The following RMDN2 variants were observed in gnomAD, a reference collection of about 807,000 sequenced individuals.
The protein encoded by RMDN2 is regulator of microtubule dynamics protein 2.
RMDN2 carries 61 observed loss-of-function variants against 52.8 expected under a neutral mutation model. The ratio of observed to expected loss-of-function variants is 1.16; its 90% CI spans 0.94 to 1.43. The LOEUF is 1.43. Among genes scored for constraint, RMDN2 ranks in the 40% most tolerant of loss-of-function variants. The pLI is 0.00. For synonymous variants in RMDN2, 180 were observed against 153.1 expected, an observed-to-expected ratio of 1.18 and a Z score of -1.30; for missense variants, 592 against 475.3, an observed-to-expected ratio of 1.25 and a Z score of -2.28.
intron 10 of RMDN2, among the ~76,000 whole-genome samples, chr2:38,049,672 A>G (rs1681473275): frequency 6.6e-6 from 1 of 152,176 alleles, no homozygotes; most frequent in East Asian, 1.9e-4. Flanking sequence ...TCATGGGCTC[A>G]AGCAATCCTC....
At chr2:37,966,121 G>T (rs1671009139) in intron 2 of RMDN2, among the ~76,000 whole-genome samples, 1 of 152,052 alleles carries the variant, frequency 6.6e-6, no homozygotes, top group Non-Finnish European at 1.5e-5. Context: ...CTTGGAGTTT[G>T]TTAAGTTATT....
At chr2:37,929,757 T>C in intron 2 of RMDN2, 28 bp downstream of exon 2, 2 of 1,386,302 alleles carry the variant, frequency 1.4e-6, no homozygotes, top group Middle Eastern at 1.8e-4. Context: ...ATTTCCTATG[T>C]TGAATTGGTT....
chr2:37,980,735 T>C (rs1673200113), intron 4 of RMDN2, among the ~76,000 whole-genome samples: 2 of 152,144 alleles, frequency 1.3e-5, no homozygotes, highest in Admixed American at 1.3e-4. Context: ...AGCCTTCCCT[T>C]ACTCCTTCAG....
intron 8 of RMDN2, among the ~76,000 whole-genome samples, chr2:37,999,949 C>T (rs2125172907): frequency 6.6e-6 from 1 of 152,260 alleles, no homozygotes; most frequent in Non-Finnish European, 1.5e-5. Context: ...GTGAAATGGC[C>T]ATAATAATAC....
Position 38,046,176 on chromosome 2 carries a change from C to T in RMDN2, c.1714-20806C>T, listed in dbSNP as rs376912668. Among the ~76,000 whole-genome samples, 61 of 152,294 alleles carry T rather than the reference C, an allele frequency of 4.0e-4. No homozygotes were observed. The South Asian group carries it at 0.011, about 29-fold the overall frequency. On this transcript the variant is annotated intron_variant, in intron 10 of 10. Transcript: ENST00000234195. ...CACAGAGAAGACACATAAGAACTTT[C>T]AAGACAGTAAAAGTCTGGGGCAGAC...
chr2:37,981,405 G>T, intron 5 of RMDN2, 62 bp downstream of exon 5: 1 of 1,130,058 alleles, frequency 8.8e-7, no homozygotes, highest in South Asian at 1.3e-5. Context: ...AAATTAAATG[G>T]ATTTTTCAAA....
chr2:37,951,428 T>A (rs781418185), intron 2 of RMDN2: 259 of 1,612,782 alleles, frequency 1.6e-4, no homozygotes, highest in Non-Finnish European at 2.2e-4. Flanking sequence ...CAAGTCCATC[T>A]TTCTCTGAAA....
chr2:38,011,562 C>T (rs868212473), intron 10 of RMDN2, among the ~76,000 whole-genome samples: 26 of 152,094 alleles, frequency 1.7e-4, no homozygotes, highest in African/African-American at 5.6e-4. Context: ...ACAAATAAGA[C>T]ACACCTGTTG....
At chr2:38,042,443 C>CACACACCA (rs1558582724) in intron 10 of RMDN2, among the ~76,000 whole-genome samples, 35 of 103,212 alleles carry the variant, frequency 3.4e-4, no homozygotes, top group African/African-American at 8.2e-4. Context: ...CACACACACA[C>CACACACCA]CACACACACA....
chr2:37,997,383 C>A, intron 7 of RMDN2, 33 bp from the exon 8 acceptor site: 3 of 1,405,344 alleles, frequency 2.1e-6, no homozygotes, highest in Non-Finnish European at 3.0e-6. Context: ...AGGTGAACAA[C>A]TTTCTAAGAG....
At chr2:37,980,584 G>T (rs1312427586) in intron 4 of RMDN2, among the ~76,000 whole-genome samples, 14 of 152,192 alleles carry the variant, frequency 9.2e-5, no homozygotes, top group Non-Finnish European at 1.5e-5. Flanking sequence ...GATTACAGGT[G>T]TGAGCCACCA....
At chr2:37,936,975 A>G (rs1047636257) in intron 2 of RMDN2, among the ~76,000 whole-genome samples, 4 of 152,190 alleles carry the variant, frequency 2.6e-5, no homozygotes, top group East Asian at 1.9e-4. Context: ...GCTCATGCCT[A>G]TGTCCTGAAT....
At chr2:37,966,438 AC>A (rs1215122787) in intron 2 of RMDN2, among the ~76,000 whole-genome samples, 1 of 133,452 alleles carries the variant, frequency 7.5e-6, no homozygotes, top group African/African-American at 2.9e-5. Context: ...AAAAGTTCTT[AC>A]ATTTGTATTT....
intron 10 of RMDN2, among the ~76,000 whole-genome samples, chr2:38,041,157 C>G (rs1680923839): frequency 6.6e-6 from 1 of 152,114 alleles, no homozygotes. Context: ...CACCATCTGA[C>G]TCGGGATGTC....
At chr2:37,967,310 G>A (rs1572854537) in intron 2 of RMDN2, among the ~76,000 whole-genome samples, 1 of 152,208 alleles carries the variant, frequency 6.6e-6, no homozygotes, top group Non-Finnish European at 1.5e-5. Flanking sequence ...AAGATCAGCT[G>A]CAGAGAAGAA....
chr2:38,028,453 T>C (rs1427348822), intron 10 of RMDN2, among the ~76,000 whole-genome samples: 1 of 152,226 alleles, frequency 6.6e-6, no homozygotes, highest in Non-Finnish European at 1.5e-5. Context: ...GGATGAAATA[T>C]TGTTTTTTCC....
At chr2:38,025,619 C>T (rs533734417) in intron 10 of RMDN2, among the ~76,000 whole-genome samples, 79 of 152,000 alleles carry the variant, frequency 5.2e-4, no homozygotes, top group African/African-American at 1.8e-3. Context: ...TTTGGAGATA[C>T]GCTTTTTCTA....
At chr2:37,977,875 G>A (rs933305240) in intron 4 of RMDN2, among the ~76,000 whole-genome samples, 4 of 152,032 alleles carry the variant, frequency 2.6e-5, no homozygotes, top group East Asian at 1.9e-4. Context: ...CATCCCGGAC[G>A]ATGGGCGGCC....
intron 10 of RMDN2, among the ~76,000 whole-genome samples, chr2:38,046,278 C>T (rs56712824): frequency 0.14 from 20,656 of 152,112 alleles, 2,435 homozygotes; most frequent in East Asian, 0.67. Context: ...ACCCTTACTG[C>T]CTGCAAGTAT....
Sources: allele counts gnomAD v4.1 joint callset (sites outside exome capture counted in the v4.1 genomes callset), GRCh38; gene constraint gnomAD v4.1.1; transcripts MANE v1.5; gene names NCBI Gene and HGNC (gene_info 2026-07-23, HGNC 2026-07-21).